The following LYPLAL1 variants were observed in gnomAD, a reference collection of about 807,000 sequenced individuals.
The protein encoded by LYPLAL1 is lysophospholipase like 1, also known as lysophospholipase-like protein 1.
A neutral mutation model predicts 19.7 loss-of-function variants in LYPLAL1; 23 were observed. The ratio of observed to expected loss-of-function variants is 1.17; its 90% CI spans 0.84 to 1.65. The LOEUF (loss-of-function observed/expected upper bound fraction) is 1.65. Among genes scored for constraint, LYPLAL1 ranks in the 40% most tolerant of loss-of-function variants. The probability of loss-of-function intolerance (pLI) is 0.00; values close to 1 mark genes in which losing one functional copy is unlikely to be tolerated. For synonymous variants in LYPLAL1, 119 were observed against 96.3 expected (o/e 1.24, Z -1.38); for missense variants, 355 against 279.4 (o/e 1.27, Z -1.93).
the LYPLAL1 span, among the ~76,000 whole-genome samples, chr1:219,249,692 C>T: frequency 1.3e-5 from 2 of 151,972 alleles, no homozygotes; most frequent in East Asian, 3.8e-4. Context: ...CATATTGTTG[C>T]CCACCCTTGG....
At chr1:219,327,512 C>T in the LYPLAL1 span, among the ~76,000 whole-genome samples, 1,350 of 152,074 alleles carry the variant, frequency 8.9e-3, 17 homozygotes, top group African/African-American at 0.031. Context: ...TGGAGGGGAA[C>T]GAGAGGTAGT....
the LYPLAL1 span, among the ~76,000 whole-genome samples, chr1:219,417,996 G>T: frequency 1.3e-5 from 2 of 152,148 alleles, no homozygotes; most frequent in Admixed American, 6.5e-5. Context: ...CCCTGCCCAG[G>T]ATACTTAATA....
At chr1:219,301,241 G>T in the LYPLAL1 span, among the ~76,000 whole-genome samples, 1 of 152,086 alleles carries the variant, frequency 6.6e-6, no homozygotes, top group African/African-American at 2.4e-5. Flanking sequence ...AGGCAAAAGA[G>T]ATACAAAATA....
At chr1:219,367,944 A>AAT in the LYPLAL1 span, among the ~76,000 whole-genome samples, 2 of 38,184 alleles carry the variant, frequency 5.2e-5, no homozygotes, top group East Asian at 2.0e-3. Context: ...ATGGCTTTAC[A>AAT]ATTTTTTTTT....
At chr1:219,227,775 C>G in the LYPLAL1 span, among the ~76,000 whole-genome samples, 1 of 152,174 alleles carries the variant, frequency 6.6e-6, no homozygotes, top group East Asian at 1.9e-4. Context: ...TAACGGAGAA[C>G]AGTATATGTT....
At chr1:219,419,548 AACACACACACACACACACAC>A in the LYPLAL1 span, among the ~76,000 whole-genome samples, 76 of 97,864 alleles carry the variant, frequency 7.8e-4, no homozygotes, top group African/African-American at 2.8e-3. Flanking sequence ...GCCCTAGCCC[AACACACACACACACACACAC>A]ACACACACAC....
chr1:219,436,511 A>C, the LYPLAL1 span, among the ~76,000 whole-genome samples: 6 of 152,056 alleles, frequency 3.9e-5, no homozygotes, highest in Non-Finnish European at 7.4e-5. Flanking sequence ...TAAAAGATAA[A>C]TCTGCCTGCC....
At chr1:219,413,646 G>A in the LYPLAL1 span, among the ~76,000 whole-genome samples, 1 of 152,162 alleles carries the variant, frequency 6.6e-6, no homozygotes, top group Non-Finnish European at 1.5e-5. Context: ...TCATTTGAAG[G>A]GCTCTGTGAC....
the LYPLAL1 span, among the ~76,000 whole-genome samples, chr1:219,269,455 C>G: frequency 6.6e-6 from 1 of 151,654 alleles, no homozygotes; most frequent in East Asian, 1.9e-4. Flanking sequence ...TACAACATAG[C>G]AGAATAAGTC....
the LYPLAL1 span, among the ~76,000 whole-genome samples, chr1:219,420,494 T>C: frequency 1.3e-5 from 2 of 152,172 alleles, no homozygotes; most frequent in African/African-American, 2.4e-5. Context: ...CCTTGGAAAG[T>C]AGAAATCACC....
At chr1:219,352,748 T>G in the LYPLAL1 span, among the ~76,000 whole-genome samples, 2 of 152,150 alleles carry the variant, frequency 1.3e-5, no homozygotes, top group African/African-American at 4.8e-5. Flanking sequence ...TCAAGGTAGC[T>G]GCATGTTCAT....
chr1:219,440,018 C>CATATATAT, the LYPLAL1 span, among the ~76,000 whole-genome samples: 4 of 98,584 alleles, frequency 4.1e-5, no homozygotes, highest in Admixed American at 2.1e-4. Context: ...TATATACACA[C>CATATATAT]ACACACATAT....
the LYPLAL1 span, among the ~76,000 whole-genome samples, chr1:219,429,590 G>C: frequency 6.6e-6 from 1 of 152,168 alleles, no homozygotes; most frequent in South Asian, 2.1e-4. Context: ...CCAGGAGGTT[G>C]AGGATGTGGT....
At chr1:219,427,322 C>T in the LYPLAL1 span, among the ~76,000 whole-genome samples, 1 of 152,136 alleles carries the variant, frequency 6.6e-6, no homozygotes, top group African/African-American at 2.4e-5. Context: ...ATGAATAGGT[C>T]TAGAGAGAAC....
the LYPLAL1 span, among the ~76,000 whole-genome samples, chr1:219,265,608 T>C: frequency 1.3e-5 from 2 of 152,196 alleles, no homozygotes; most frequent in African/African-American, 4.8e-5. Flanking sequence ...TAATCATACA[T>C]TTCTATTGTA....
the LYPLAL1 span, among the ~76,000 whole-genome samples, chr1:219,290,970 T>C: frequency 6.6e-6 from 1 of 152,232 alleles, no homozygotes; most frequent in Non-Finnish European, 1.5e-5. Context: ...ATATCTACTA[T>C]TACTGGCTGT....
chr1:219,364,766 G>A, the LYPLAL1 span, among the ~76,000 whole-genome samples: 1 of 152,044 alleles, frequency 6.6e-6, no homozygotes, highest in African/African-American at 2.4e-5. Flanking sequence ...ATTTGTATTG[G>A]AATTACATAA....
the LYPLAL1 span, among the ~76,000 whole-genome samples, chr1:219,346,865 G>C: frequency 6.6e-6 from 1 of 152,192 alleles, no homozygotes; most frequent in African/African-American, 2.4e-5. Flanking sequence ...CTGCCTCTCT[G>C]AAACCTGGGC....
chr1:219,296,460 T>C, the LYPLAL1 span, among the ~76,000 whole-genome samples: 1 of 152,080 alleles, frequency 6.6e-6, no homozygotes. Flanking sequence ...TTAGTTTGTT[T>C]GGGCATTCAA....
Sources: allele counts gnomAD v4.1 joint callset (sites outside exome capture counted in the v4.1 genomes callset), GRCh38; gene constraint gnomAD v4.1.1; transcripts MANE v1.5; gene names NCBI Gene and HGNC (gene_info 2026-07-23, HGNC 2026-07-21).